The following GPR160 variants were observed in gnomAD, a reference collection of about 807,000 sequenced individuals.
The protein encoded by GPR160 is probable G protein-coupled receptor 160.
A neutral mutation model predicts 2.6 loss-of-function variants in GPR160; 2 were observed. That is an observed-to-expected ratio of 0.77 (90% CI 0.32 to 2.44). The LOEUF (loss-of-function observed/expected upper bound fraction) is 2.44. GPR160 is among the 30% of genes most tolerant of loss of function. The pLI, the probability that GPR160 is intolerant of heterozygous loss-of-function variation, is 0.11. For missense variants in GPR160, 351 were observed against 383.6 expected (o/e 0.91, Z 0.71); for synonymous variants, 130 against 132.2 (o/e 0.98, Z 0.12).
Position 170,084,302 on chromosome 3 carries a change from T to C in GPR160, c.330T>C (p.Tyr110=). The C allele has an allele frequency of 6.2e-7, 1 of 1,608,608 alleles. No homozygotes were observed. The highest frequency in any genetic ancestry group is 8.5e-7 in the Non-Finnish European group (1 of 1,176,042). ...CCTTTACTTATGGCTTTTTGCATTATCCAGTTTTCCTGACAGCTTGTATAG... is the reference window on the plus strand; with the variant it reads ...CCTTTACTTATGGCTTTTTGCATTACCCAGTTTTCCTGACAGCTTGTATAG... ...IISFTYGFLH[Y]PVFLTACIDY... Residue 110 remains tyrosine, a synonymous_variant, in exon 4 of 4, where the codon TAT becomes TAC. Transcript: ENST00000355897.
intron 2 of GPR160, among the ~76,000 whole-genome samples, chr3:170,040,340 G>A (rs989540337): frequency 1.3e-5 from 2 of 152,224 alleles, no homozygotes; most frequent in Non-Finnish European, 2.9e-5. Context: ...CTGCAGCCGA[G>A]TCTAGATGCA....
intron 2 of GPR160, among the ~76,000 whole-genome samples, chr3:170,066,879 G>A (rs745384044): frequency 7.9e-5 from 12 of 152,152 alleles, no homozygotes; most frequent in Non-Finnish European, 1.2e-4. Flanking sequence ...AGCCCCACCA[G>A]ATAAATAGGT....
In GPR160 at chr3:170,084,576, G is replaced by GA; in HGVS notation, c.606dup (p.Glu203ArgfsTer17). ...ATTTGTAGCTTTCATAACCTGTTGG[G>GA]AAGAAGTTACTACTTTGGTACAGGC... On this transcript the variant is annotated frameshift_variant, in exon 4 of 4. Transcript: ENST00000355897. LOFTEE classifies it low-confidence loss of function (END_TRUNC). 6.2e-7 allele frequency: 1 copy of GA among 1,612,656 alleles called. No individual in the cohort carries two copies.
chr3:170,044,332 A>AAAAAAAG (rs1716600750), intron 2 of GPR160, among the ~76,000 whole-genome samples: 1 of 151,546 alleles, frequency 6.6e-6, no homozygotes, highest in Middle Eastern at 3.2e-3. Context: ...CTCAAAAAAA[A>AAAAAAAG]AAAAAAAGAG....
intron 2 of GPR160, among the ~76,000 whole-genome samples, chr3:170,044,373 T>C (rs1716603928): frequency 1.3e-5 from 2 of 151,216 alleles, no homozygotes; most frequent in South Asian, 4.2e-4. Context: ...CATATTCCTT[T>C]GAGGAAATGA....
intron 2 of GPR160, chr3:170,057,577 T>C (rs926642476): frequency 1.3e-5 from 2 of 152,334 alleles, no homozygotes; most frequent in Middle Eastern, 3.4e-3. Context: ...CTAAGAAACA[T>C]TGGCAACACT....
At chr3:170,071,634 A>T (rs1712599038) in intron 2 of GPR160, among the ~76,000 whole-genome samples, 1 of 128,350 alleles carries the variant, frequency 7.8e-6, no homozygotes, top group Non-Finnish European at 1.8e-5. Flanking sequence ...TCTACTAAAA[A>T]TACAAAAAAA....
chr3:170,055,550 G>C (rs926984792), intron 2 of GPR160, among the ~76,000 whole-genome samples: 2 of 152,144 alleles, frequency 1.3e-5, no homozygotes, highest in Non-Finnish European at 2.9e-5. Flanking sequence ...TGCTTAGGCC[G>C]TTTATTTTGA....
chr3:170,042,862 G>C (rs1018464734), intron 2 of GPR160, among the ~76,000 whole-genome samples: 2 of 141,264 alleles, frequency 1.4e-5, no homozygotes, highest in Non-Finnish European at 3.0e-5. Context: ...ATTCATGGTA[G>C]TCTTCTGGTA....
In GPR160 at chr3:170,076,935, G is replaced by A. The variant is rs558370221; in HGVS notation, c.-192-2839G>A. On this transcript the variant is annotated intron_variant, in intron 2 of 3. Transcript: ENST00000355897. The stretch of plus-strand genomic sequence containing the variant: ...AATTGTGGTTTACTGAAGAACGTGA[G>A]CTTTGAAGTCAGACTTGAGGTTGAA... Among the ~76,000 whole-genome samples the A allele has an allele frequency of 3.2e-4, 49 of 152,288 alleles. 1 individual carries two copies. The highest frequency in any genetic ancestry group is 1.1e-3 in the African/African-American group (46 of 41,550).
chr3:170,046,610 C>T lies in GPR160; in HGVS notation c.-193+7567C>T, dbSNP rs1442495576. 3.9e-5 allele frequency among the ~76,000 whole-genome samples: 6 copies of T among 152,242 alleles called. No homozygotes were observed. In the East Asian group the frequency reaches 9.7e-4, roughly 24 times the overall value. ...GCAAAGTACAATGCCTGACTTGCCC[C>T]TTAGTAGTAAAATCATAGAACAGAT... is the stretch of plus-strand genomic sequence containing the variant. On this transcript the variant is annotated intron_variant, in intron 2 of 3. Coordinates refer to ENST00000355897, the MANE Select transcript of GPR160 (RefSeq NM_014373.3).
chr3:170,048,094 G>C (rs901208156), intron 2 of GPR160, among the ~76,000 whole-genome samples: 4 of 152,220 alleles, frequency 2.6e-5, no homozygotes, highest in African/African-American at 4.8e-5. Flanking sequence ...CTCCCAAAGT[G>C]CTGGGATTAC....
Position 170,083,905 on chromosome 3 carries a change from G to T in GPR160, c.-68G>T. On this transcript the variant is annotated splice_region_variant and 5_prime_UTR_variant, in exon 4 of 4. It adds an upstream start codon to the 5' untranslated region. Transcript: ENST00000355897. ...GGTTTTCTTTTCACTTTTTTTGCAG[G>T]GACAGAAAATGAAGCAGTGTTTTAT... 1.2e-6 allele frequency: 1 copy of T among 859,602 alleles called. No homozygotes were observed. Among genetic ancestry groups the T allele is most frequent in the Non-Finnish European group, 1.7e-6 (1 of 594,486 alleles). 53.2% of individuals were successfully genotyped at this position (859,602 alleles called of 1,614,324 possible). A position where few individuals can be genotyped will look rare whatever the true frequency, so the allele number is the denominator to read the frequency against.
intron 2 of GPR160, among the ~76,000 whole-genome samples, chr3:170,043,948 C>T (rs1345949145): frequency 6.6e-6 from 1 of 151,486 alleles, no homozygotes; most frequent in African/African-American, 2.4e-5. Flanking sequence ...CTAAAATAGT[C>T]CCCAGCCCTG....
chr3:170,044,473 T>C (rs749600359), intron 2 of GPR160, among the ~76,000 whole-genome samples: 3 of 152,140 alleles, frequency 2.0e-5, no homozygotes, highest in Non-Finnish European at 2.9e-5. Flanking sequence ...TTCTCACTTA[T>C]AAGGAACTTG....
At chr3:170,064,514 C>CTTTTTTTTTTT (rs1175382810) in intron 2 of GPR160, among the ~76,000 whole-genome samples, 1 of 81,046 alleles carries the variant, frequency 1.2e-5, no homozygotes, top group Non-Finnish European at 2.5e-5. Flanking sequence ...CTTTTCTTTT[C>CTTTTTTTTTTT]TTTTTTTTTT....
At chr3:170,070,741 A>G (rs1399061756) in intron 2 of GPR160, among the ~76,000 whole-genome samples, 1 of 152,156 alleles carries the variant, frequency 6.6e-6, no homozygotes, top group African/African-American at 2.4e-5. Flanking sequence ...ATTTACTGTT[A>G]TGTTAGTGGA....
chr3:170,041,325 G>A (rs1222614310), intron 2 of GPR160, among the ~76,000 whole-genome samples: 41 of 135,972 alleles, frequency 3.0e-4, no homozygotes, highest in Admixed American at 1.4e-3. Flanking sequence ...TTTTTGAGAC[G>A]GAGTCTTGCT....
intron 2 of GPR160, among the ~76,000 whole-genome samples, chr3:170,063,767 A>G (rs1712125524): frequency 6.6e-6 from 1 of 152,046 alleles, no homozygotes; most frequent in Non-Finnish European, 1.5e-5. Flanking sequence ...GAAGTGTATG[A>G]ATATATTTTT....
Sources: allele counts gnomAD v4.1 joint callset (sites outside exome capture counted in the v4.1 genomes callset), GRCh38; gene constraint gnomAD v4.1.1; transcripts MANE v1.5; gene names NCBI Gene and HGNC (gene_info 2026-07-23, HGNC 2026-07-21).